Variants in PBX4 observed in about 807,000 individuals in gnomAD.
PBX4 encodes the protein PBX homeobox 4.
Under a neutral mutation model 35.1 loss-of-function variants are expected in PBX4, and 26 were observed. That is an observed-to-expected ratio of 0.74 (90% confidence interval 0.54 to 1.03). The LOEUF (loss-of-function observed/expected upper bound fraction) is 1.03, where lower values mean the gene tolerates loss of function less well. Among genes scored for constraint, PBX4 ranks in the 50% least tolerant of loss-of-function variants. The pLI, the probability that PBX4 is intolerant of heterozygous loss-of-function variation, is 0.00. For synonymous variants in PBX4, 199 were observed against 204.2 expected (o/e 0.97, Z 0.22); for missense variants, 448 against 504.3 (o/e 0.89, Z 1.07).
In PBX4 at chr19:19,567,811, G is replaced by T. The variant is rs964622003; in HGVS notation, c.768+1638C>A. Among the ~76,000 whole-genome samples, 3 of 151,122 alleles carry T rather than the reference G, an allele frequency of 2.0e-5. No individual in the cohort carries two copies. In the South Asian group the frequency reaches 6.3e-4, roughly 32 times the overall value. On this transcript the variant is annotated intron_variant, in intron 5 of 7. Transcript: ENST00000251203. ...ACTCTCTACCACGTCACCTCAGGGGGCTCACACTCCACAGCATCCCCCAGG... is the reference window on the plus strand; with the variant it reads ...ACTCTCTACCACGTCACCTCAGGGGTCTCACACTCCACAGCATCCCCCAGG...
chr19:19,600,633 A>G (rs1568395238), intron 1 of PBX4, among the ~76,000 whole-genome samples: 1 of 152,044 alleles, frequency 6.6e-6, no homozygotes, highest in Admixed American at 6.6e-5. Flanking sequence ...AGCCTGGCCA[A>G]CATGGTGAAA....
intron 1 of PBX4, among the ~76,000 whole-genome samples, chr19:19,601,422 A>G (rs965524894): frequency 6.6e-6 from 1 of 152,188 alleles, no homozygotes; most frequent in African/African-American, 2.4e-5. Flanking sequence ...TCATGGGGAC[A>G]ACTCTGGCTT....
intron 2 of PBX4, among the ~76,000 whole-genome samples, chr19:19,586,612 CCT>C (rs1407671407): frequency 6.6e-6 from 1 of 151,776 alleles, no homozygotes; most frequent in African/African-American, 2.4e-5. Flanking sequence ...AAAACAAGCC[CCT>C]GTGAGGAGTT....
chr19:19,615,252 T>C (rs1342269782), intron 1 of PBX4, among the ~76,000 whole-genome samples: 1 of 139,624 alleles, frequency 7.2e-6, no homozygotes, highest in Admixed American at 7.3e-5. Context: ...GAAGCTGAGG[T>C]GTGAAGATTG....
At chr19:19,598,994 C>T (rs959737671) in intron 2 of PBX4, among the ~76,000 whole-genome samples, 19 of 149,034 alleles carry the variant, frequency 1.3e-4, no homozygotes, top group African/African-American at 3.5e-4. Context: ...CTTGGCTCAC[C>T]GCACACTCTT....
At chr19:19,614,055 A>G (rs1018107732) in intron 1 of PBX4, among the ~76,000 whole-genome samples, 49 of 152,124 alleles carry the variant, frequency 3.2e-4, no homozygotes, top group African/African-American at 1.1e-3. Flanking sequence ...GAATAAAAAC[A>G]CTGGTTCACG....
chr19:19,573,774 G>T (rs137889239), intron 2 of PBX4, among the ~76,000 whole-genome samples: 38 of 151,946 alleles, frequency 2.5e-4, no homozygotes, highest in Non-Finnish European at 4.0e-4. Flanking sequence ...CTGTGTCCCA[G>T]GCTGGAGTGC....
rs964644069 is a variant in PBX4 at position 19,589,535 on chromosome 19, C to T, written c.193+9757G>A. ...TGTAAATCCCAGCACTTTGGGAGGC[C>T]GAGGCGGGTGGATTACCTGAGGTCA... On this transcript the variant is annotated intron_variant, in intron 2 of 7. Transcript: ENST00000251203. Among the ~76,000 whole-genome samples, 20 of 151,950 alleles carry T rather than the reference C, an allele frequency of 1.3e-4. 1 individual carries two copies. Among genetic ancestry groups the T allele is most frequent in the Non-Finnish European group, 2.2e-4 (15 of 68,010 alleles).
chr19:19,582,687 T>C (rs1415208966), intron 2 of PBX4, among the ~76,000 whole-genome samples: 3 of 152,200 alleles, frequency 2.0e-5, no homozygotes, highest in Admixed American at 2.0e-4. Context: ...CCCTTTGTCC[T>C]TGAGATAGGG....
At chr19:19,618,422 G>A in intron 1 of PBX4, 89 bp downstream of exon 1, 1 of 1,221,598 alleles carries the variant, frequency 8.2e-7, no homozygotes, top group Non-Finnish European at 1.1e-6. Flanking sequence ...AGCGCCCCTC[G>A]TCAGTCTGGC....
chr19:19,564,860 T>C (rs1600391247), intron 6 of PBX4, 73 bp downstream of exon 6: 1 of 1,578,794 alleles, frequency 6.3e-7, no homozygotes. Flanking sequence ...GGTCCCACTG[T>C]GGCCTCCCCA....
intron 4 of PBX4, among the ~76,000 whole-genome samples, chr19:19,569,802 C>G (rs1180577065): frequency 6.6e-6 from 1 of 152,064 alleles, no homozygotes; most frequent in African/African-American, 2.4e-5. Context: ...CCCAGCTACT[C>G]GGGAGGCTGA....
chr19:19,600,647 C>T lies in PBX4; in HGVS notation c.120-1282G>A, dbSNP rs143879572. Among the ~76,000 whole-genome samples the T allele has an allele frequency of 2.2e-3, 328 of 151,830 alleles. 1 individual carries two copies. Among genetic ancestry groups the T allele is most frequent in the African/African-American group, 7.4e-3 (308 of 41,406 alleles). ...CAGCCTGGCCAACATGGTGAAACCC[C>T]GTCTCTACTAAAAGTACAAAAAAGC... is the stretch of plus-strand genomic sequence containing the variant. On this transcript the variant is annotated intron_variant, in intron 1 of 7. Coordinates refer to ENST00000251203, the MANE Select transcript of PBX4 (RefSeq NM_025245.3).
intron 2 of PBX4, among the ~76,000 whole-genome samples, chr19:19,598,749 T>C (rs1568394195): frequency 6.6e-6 from 1 of 152,008 alleles, no homozygotes; most frequent in Non-Finnish European, 1.5e-5. Context: ...ACAAAATAAA[T>C]CAGTGTGCAT....
intron 1 of PBX4, among the ~76,000 whole-genome samples, chr19:19,605,724 C>T (rs1257639175): frequency 6.6e-6 from 1 of 151,852 alleles, no homozygotes; most frequent in East Asian, 1.9e-4. Context: ...CCCACTTTGG[C>T]CTCACAAAGT....
intron 2 of PBX4, among the ~76,000 whole-genome samples, chr19:19,587,876 G>A (rs1257054347): frequency 6.6e-6 from 1 of 152,052 alleles, no homozygotes; most frequent in African/African-American, 2.4e-5. Context: ...CTCCGATACA[G>A]TGTCCCAGAG....
intron 2 of PBX4, among the ~76,000 whole-genome samples, chr19:19,581,720 A>C (rs1042841624): frequency 1.4e-4 from 22 of 152,100 alleles, no homozygotes; most frequent in South Asian, 1.0e-3. Context: ...GGCCTGTCCA[A>C]CCCCAAGAAT....
chr19:19,594,878 C>T (rs1017019530), intron 2 of PBX4, among the ~76,000 whole-genome samples: 27 of 152,084 alleles, frequency 1.8e-4, no homozygotes, highest in African/African-American at 5.3e-4. Flanking sequence ...CATGCCACCA[C>T]GCCCAGCTAA....
chr19:19,586,932 A>AAAAAAG (rs934203120), intron 2 of PBX4, among the ~76,000 whole-genome samples: 19 of 151,998 alleles, frequency 1.3e-4, no homozygotes, highest in East Asian at 1.9e-4. Context: ...TTCCGTCTCA[A>AAAAAAG]AAAAAGAAAA....
Sources: allele counts gnomAD v4.1 joint callset (sites outside exome capture counted in the v4.1 genomes callset), GRCh38; gene constraint gnomAD v4.1.1; transcripts MANE v1.5; gene names NCBI Gene and HGNC (gene_info 2026-07-23, HGNC 2026-07-21).